The following MMADHC variants were observed in gnomAD, a reference collection of about 807,000 sequenced individuals.
MMADHC encodes the protein cobalamin trafficking protein CblD.
A neutral mutation model predicts 36.3 loss-of-function variants in MMADHC; 23 were observed. The observed-to-expected ratio is 0.63, with a 90% CI of 0.46 to 0.90. The LOEUF is 0.90. Ranked by LOEUF, MMADHC falls within the 40% of genes least tolerant of loss-of-function variation. The pLI is 0.00. For missense variants in MMADHC, 330 were observed against 348.0 expected, an observed-to-expected ratio of 0.95 and a Z score of 0.41; for synonymous variants, 97 against 116.1, an observed-to-expected ratio of 0.84 and a Z score of 1.06.
chr2:149,576,351 T>C, intron 5 of MMADHC, 86 bp downstream of exon 5: 4 of 905,814 alleles, frequency 4.4e-6, no homozygotes, highest in South Asian at 1.3e-5. Context: ...TATTAAGGTA[T>C]ACAGCGTTCC....
intron 2 of MMADHC, among the ~76,000 whole-genome samples, chr2:149,584,394 A>C (rs1370236565): frequency 6.6e-6 from 1 of 152,202 alleles, no homozygotes; most frequent in East Asian, 1.9e-4. Flanking sequence ...AATTCTATAT[A>C]CTGTTATTAG....
intron 4 of MMADHC, 28 bp from the exon 5 acceptor site, chr2:149,576,570 A>C (rs1389635088): frequency 2.9e-5 from 42 of 1,442,246 alleles, no homozygotes; most frequent in Non-Finnish European, 4.0e-5. Flanking sequence ...ATAAGTCAAC[A>C]AAATCTGGAG....
intron 4 of MMADHC, among the ~76,000 whole-genome samples, chr2:149,577,054 T>TA (rs1682728470): frequency 6.6e-6 from 1 of 152,012 alleles, no homozygotes; most frequent in Non-Finnish European, 1.5e-5. Context: ...GCTGCAATGG[T>TA]AAAAAATTCA....
intron 4 of MMADHC, among the ~76,000 whole-genome samples, chr2:149,579,013 C>A (rs1232174830): frequency 8.0e-5 from 11 of 137,628 alleles, no homozygotes; most frequent in African/African-American, 2.4e-4. Context: ...TATATCTGAA[C>A]AATTTCAGAG....
At position 149,569,783 on chromosome 2, in the gene MMADHC, G is replaced by T; in HGVS notation, c.*191C>A. 1 of 582,424 alleles carries T rather than the reference G, an allele frequency of 1.7e-6. No homozygotes were observed. Among genetic ancestry groups the T allele is most frequent in the South Asian group, 2.1e-5 (1 of 48,226 alleles). 36.1% of individuals were successfully genotyped at this position (582,424 alleles called of 1,614,324 possible). On this transcript the variant is annotated 3_prime_UTR_variant, in exon 8 of 8. Coordinates refer to ENST00000303319, the MANE Select transcript of MMADHC (RefSeq NM_015702.3). ...TATACAATGTGGATGTGTTCAACGTGTATTCAATGATATGAATAAATGAAC... is the reference window on the plus strand; with the variant it reads ...TATACAATGTGGATGTGTTCAACGTTTATTCAATGATATGAATAAATGAAC...
At chr2:149,586,514 T>C (rs1376062698) in intron 2 of MMADHC, among the ~76,000 whole-genome samples, 6 of 152,236 alleles carry the variant, frequency 3.9e-5, no homozygotes, top group Non-Finnish European at 7.3e-5. Context: ...TGAATCTGCA[T>C]TGCACCTTCG....
intron 6 of MMADHC, 23 bp from the exon 7 acceptor site, chr2:149,571,194 T>A (rs910642336): frequency 1.3e-6 from 2 of 1,493,580 alleles, no homozygotes; most frequent in East Asian, 4.5e-5. Flanking sequence ...TCACAAATAA[T>A]ATGCTTAAGA....
chr2:149,573,871 A>C (rs563485068), intron 6 of MMADHC, among the ~76,000 whole-genome samples: 13 of 50,350 alleles, frequency 2.6e-4, no homozygotes, highest in Admixed American at 1.5e-3. Context: ...ATCTCAAATT[A>C]AAACAAAAAA....
chr2:149,575,891 G>C lies in MMADHC; in HGVS notation c.479-50C>G, dbSNP rs753730078. The C allele has an allele frequency of 2.1e-6, 3 of 1,433,918 alleles. No homozygotes were observed. In the South Asian group the frequency reaches 3.7e-5, roughly 18 times the overall value. The allele number at this position is 1,433,918 out of a possible 1,614,324, so 88.8% of individuals were successfully genotyped here. ...GGTAGAAAAGAATTTGATTTTTAAA[G>C]AACAAATTTTTAAAGAAGGATAAAA... On this transcript the variant is annotated intron_variant, in intron 5 of 7. Transcript: ENST00000303319.
chr2:149,582,841 GATGA>G, intron 2 of MMADHC, among the ~76,000 whole-genome samples: 1 of 152,230 alleles, frequency 6.6e-6, no homozygotes, highest in Admixed American at 6.5e-5. Flanking sequence ...TATTACAATG[GATGA>G]ATGTGTAAAT....
chr2:149,572,358 A>G (rs1682654322), intron 6 of MMADHC: 3 of 277,070 alleles, frequency 1.1e-5, no homozygotes, highest in African/African-American at 2.4e-5. Context: ...TCAAGGGCAC[A>G]GTTCCACTTC....
chr2:149,570,560 G>A (rs1225911557), intron 7 of MMADHC, among the ~76,000 whole-genome samples: 1 of 152,044 alleles, frequency 6.6e-6, no homozygotes, highest in Non-Finnish European at 1.5e-5. Context: ...CCTATCTTAA[G>A]ATTCAAAAAA....
chr2:149,586,833 T>C (rs1445818339), intron 2 of MMADHC: 11 of 490,052 alleles, frequency 2.2e-5, no homozygotes, highest in Non-Finnish European at 3.6e-5. Flanking sequence ...ACGCTGTATT[T>C]AAAAAATACC....
intron 2 of MMADHC, among the ~76,000 whole-genome samples, chr2:149,584,438 G>A (rs917680356): frequency 6.6e-6 from 1 of 152,056 alleles, no homozygotes; most frequent in African/African-American, 2.4e-5. Context: ...TACAATCTGC[G>A]ATCATTCACA....
intron 1 of MMADHC, 63 bp from the exon 2 acceptor site, chr2:149,587,212 G>C: frequency 9.9e-7 from 1 of 1,014,586 alleles, no homozygotes; most frequent in Non-Finnish European, 1.6e-6. Flanking sequence ...GACAACTGAG[G>C]TAACGTCCAC....
rs1433602653 is a variant in MMADHC at position 149,569,764 on chromosome 2, A to G, written c.*210T>C. The stretch of plus-strand genomic sequence containing the variant: ...CAAGCTAATTACCACATCCTATACA[A>G]TGTGGATGTGTTCAACGTGTATTCA... On this transcript the variant is annotated 3_prime_UTR_variant, in exon 8 of 8. Coordinates refer to ENST00000303319, the MANE Select transcript of MMADHC (RefSeq NM_015702.3). The G allele has an allele frequency of 1.7e-5, 9 of 531,840 alleles. No homozygotes were observed. The highest frequency in any genetic ancestry group is 3.0e-5 in the Non-Finnish European group (9 of 296,288). The allele number at this position is 531,840 out of a possible 1,614,324, so 32.9% of individuals were successfully genotyped here.
intron 2 of MMADHC, among the ~76,000 whole-genome samples, chr2:149,585,042 C>CA (rs537964049): frequency 0.069 from 4,532 of 66,026 alleles, 125 homozygotes; most frequent in Admixed American, 0.18. Flanking sequence ...AACTCCGTCT[C>CA]AAAAAAAAAA....
chr2:149,587,014 A>G, intron 2 of MMADHC, 75 bp downstream of exon 2: 1 of 1,458,520 alleles, frequency 6.9e-7, no homozygotes, highest in Non-Finnish European at 9.6e-7. Flanking sequence ...TGCCATCATA[A>G]TTAAACCCGT....
At chr2:149,570,198 TAGTA>T (rs1682618772) in intron 7 of MMADHC, 30 bp from the exon 8 acceptor site, 1 of 1,552,012 alleles carries the variant, frequency 6.4e-7, no homozygotes. Context: ...ATATTCTCAT[TAGTA>T]AGAAAGACAT....
Sources: gnomAD v4.1 joint callset for allele counts (sites outside exome capture counted in the v4.1 genomes callset) on GRCh38, gnomAD v4.1.1 for gene constraint, MANE v1.5 for transcripts, NCBI Gene and HGNC (gene_info 2026-07-23, HGNC 2026-07-21) for gene names.